PAAF1: variants seen among roughly 807,000 people sequenced by gnomAD.
The protein encoded by PAAF1 is proteasomal ATPase associated factor 1.
A neutral mutation model predicts 52.8 loss-of-function variants in PAAF1; 46 were observed. That is an observed-to-expected ratio of 0.87 (90% CI 0.69 to 1.11). The LOEUF (loss-of-function observed/expected upper bound fraction) is 1.11, where lower values mean the gene tolerates loss of function less well. Among genes scored for constraint, PAAF1 ranks in the 50% most tolerant of loss-of-function variants. The pLI is 0.00. For synonymous variants in PAAF1, 178 were observed against 172.8 expected (o/e 1.03, Z -0.24); for missense variants, 424 against 477.4 (o/e 0.89, Z 1.04).
At chr11:73,900,442 A>G in intron 6 of PAAF1, 22 bp downstream of exon 6, 2 of 1,535,432 alleles carry the variant, frequency 1.3e-6, no homozygotes, top group Non-Finnish European at 1.8e-6. Flanking sequence ...GCTTTCTCCA[A>G]AAGGCTTCTC....
At chr11:73,888,898 G>T in intron 3 of PAAF1, 1 of 450,624 alleles carries the variant, frequency 2.2e-6, no homozygotes, top group South Asian at 6.0e-5. Flanking sequence ...GAATGAGACT[G>T]CATGTGGATG....
chr11:73,876,958 C>A, upstream of PAAF1: 3 of 1,447,516 alleles, frequency 2.1e-6, no homozygotes, highest in Non-Finnish European at 2.8e-6. Context: ...CCTCGCCGCA[C>A]GCTTCTCGGG....
At chr11:73,921,335 G>A (rs1337014468) in intron 10 of PAAF1, among the ~76,000 whole-genome samples, 2 of 150,878 alleles carry the variant, frequency 1.3e-5, no homozygotes, top group Admixed American at 6.6e-5. Context: ...AAGGTGATGT[G>A]TGGGTTATAT....
At chr11:73,896,974 G>A (rs1042156097) in intron 4 of PAAF1, among the ~76,000 whole-genome samples, 42 of 139,582 alleles carry the variant, frequency 3.0e-4, no homozygotes, top group African/African-American at 1.0e-3. Flanking sequence ...GGCCGGGCGG[G>A]GGGGCTGACC....
chr11:73,886,118 T>C (rs1018115793), intron 2 of PAAF1, among the ~76,000 whole-genome samples: 1 of 152,198 alleles, frequency 6.6e-6, no homozygotes, highest in African/African-American at 2.4e-5. Context: ...ATGTGTAGGA[T>C]AGTATCTTAC....
intron 3 of PAAF1, among the ~76,000 whole-genome samples, chr11:73,890,796 T>C (rs956506355): frequency 2.6e-5 from 4 of 152,230 alleles, no homozygotes; most frequent in African/African-American, 9.6e-5. Context: ...GTATTAGATT[T>C]TCTTCTTAAA....
chr11:73,884,807 A>G (rs948647404), intron 2 of PAAF1, among the ~76,000 whole-genome samples: 1 of 151,340 alleles, frequency 6.6e-6, no homozygotes, highest in Non-Finnish European at 1.5e-5. Context: ...CTATTACCAA[A>G]CTGGTGTATT....
intron 10 of PAAF1, among the ~76,000 whole-genome samples, chr11:73,919,376 T>C (rs1355131854): frequency 6.6e-6 from 1 of 152,150 alleles, no homozygotes; most frequent in Admixed American, 6.6e-5. Context: ...GAAGACTGCA[T>C]GAGGAAATGA....
intron 4 of PAAF1, among the ~76,000 whole-genome samples, chr11:73,897,290 C>G (rs1313980410): frequency 6.6e-6 from 1 of 151,724 alleles, no homozygotes; most frequent in Non-Finnish European, 1.5e-5. Context: ...GGGCTGACCC[C>G]CCCACTTCCC....
chr11:73,880,716 A>T (rs1331296323), intron 2 of PAAF1: 1 of 150,542 alleles, frequency 6.6e-6, no homozygotes, highest in African/African-American at 2.5e-5. Context: ...AAAAAAAAAA[A>T]AGCCAGGCAC....
rs1459239491 is a variant in PAAF1 at position 73,918,990 on chromosome 11, C to T, written c.976C>T (p.Leu326=). 12 of 1,613,974 alleles carry T rather than the reference C, an allele frequency of 7.4e-6. No individual in the cohort carries two copies. Among genetic ancestry groups the T allele is most frequent in the Non-Finnish European group, 1.0e-5 (12 of 1,180,018 alleles). ...QVIHRSGAPV[L]SLLSVRDGFI... ...CATCCACAGATCAGGAGCACCAGTTCTATCCCTGCTAAGTGTCAGAGATGG... is the reference window on the plus strand; with the variant it reads ...CATCCACAGATCAGGAGCACCAGTTTTATCCCTGCTAAGTGTCAGAGATGG... The change falls in exon 10 of 12, where the codon CTA becomes TTA. Residue 326 remains leucine, a synonymous_variant. Transcript: ENST00000310571.
intron 10 of PAAF1, among the ~76,000 whole-genome samples, chr11:73,920,171 T>C (rs1950172321): frequency 6.6e-6 from 1 of 152,172 alleles, no homozygotes; most frequent in Non-Finnish European, 1.5e-5. Context: ...CTGTATTATC[T>C]TTAACTAACT....
At chr11:73,908,371 A>G (rs963423047) in intron 6 of PAAF1, among the ~76,000 whole-genome samples, 5 of 141,966 alleles carry the variant, frequency 3.5e-5, no homozygotes, top group South Asian at 4.4e-4. Flanking sequence ...GTATATATAT[A>G]TGTATATATA....
At chr11:73,904,977 G>T (rs1949719627) in intron 6 of PAAF1, among the ~76,000 whole-genome samples, 1 of 152,062 alleles carries the variant, frequency 6.6e-6, no homozygotes, top group Non-Finnish European at 1.5e-5. Flanking sequence ...TTCCAGCTGG[G>T]TGCAGTGGTG....
At chr11:73,896,756 T>A (rs1050829200) in intron 4 of PAAF1, among the ~76,000 whole-genome samples, 1 of 152,224 alleles carries the variant, frequency 6.6e-6, no homozygotes, top group Non-Finnish European at 1.5e-5. Flanking sequence ...CTTTCCCCCC[T>A]TTCTATTCTA....
At chr11:73,910,645 A>G (rs1949903443) in intron 7 of PAAF1, among the ~76,000 whole-genome samples, 1 of 152,158 alleles carries the variant, frequency 6.6e-6, no homozygotes, top group Non-Finnish European at 1.5e-5. Context: ...CACATTTTAA[A>G]AAATAGCCCT....
rs1181178123 is a variant in PAAF1 at position 73,881,183 on chromosome 11, T to C, written c.88+2364T>C. 7.2e-5 allele frequency among the ~76,000 whole-genome samples: 11 copies of C among 152,298 alleles called. No homozygotes were observed. The East Asian group carries it at 2.1e-3, about 29-fold the overall frequency. On this transcript the variant is annotated intron_variant, in intron 2 of 11. Coordinates refer to ENST00000310571, the MANE Select transcript of PAAF1 (RefSeq NM_025155.3). ...CAGTTTCTTTAAAGCAAGGCAAATCTTTACTTAGGCTAAAAAAGCAATCTA... is the reference window on the plus strand; with the variant it reads ...CAGTTTCTTTAAAGCAAGGCAAATCCTTACTTAGGCTAAAAAAGCAATCTA...
In PAAF1 at chr11:73,928,607, T is replaced by C. The variant is rs1353614505; in HGVS notation, c.*1245T>C. 6.6e-6 allele frequency: 1 copy of C among 152,246 alleles called. No homozygotes were observed. Among genetic ancestry groups the C allele is most frequent in the African/African-American group, 2.4e-5 (1 of 41,458 alleles). 9.4% of individuals were successfully genotyped at this position (152,246 alleles called of 1,614,324 possible). A position where few individuals can be genotyped will look rare whatever the true frequency, so the allele number is the denominator to read the frequency against. On this transcript the variant is annotated 3_prime_UTR_variant, in exon 12 of 12. Transcript: ENST00000310571. Reference sequence around the variant, plus strand: ...CATATTATTTATATTTTTGAGATTATTAGAGAAAAGTTTCTTGAAAGATGT... The same window carrying C: ...CATATTATTTATATTTTTGAGATTACTAGAGAAAAGTTTCTTGAAAGATGT...
chr11:73,876,832 T>C, upstream of PAAF1: 1 of 530,234 alleles, frequency 1.9e-6, no homozygotes, highest in Non-Finnish European at 3.0e-6. Context: ...TTGGGGATCC[T>C]CTGTACATCC....
Sources: allele counts gnomAD v4.1 joint callset (sites outside exome capture counted in the v4.1 genomes callset), GRCh38; gene constraint gnomAD v4.1.1; transcripts MANE v1.5; gene names NCBI Gene and HGNC (gene_info 2026-07-23, HGNC 2026-07-21).